The following MS4A13 variants were observed in gnomAD, a reference collection of about 807,000 sequenced individuals.
MS4A13 encodes the protein membrane-spanning 4-domains subfamily A member 13.
Under a neutral mutation model 18.4 loss-of-function variants are expected in MS4A13, and 21 were observed. The observed-to-expected ratio is 1.14, with a 90% CI of 0.81 to 1.64. The LOEUF is 1.64. MS4A13 is among the 40% of genes most tolerant of loss of function. The pLI is 0.00. For missense variants in MS4A13, 173 were observed against 176.8 expected, an observed-to-expected ratio of 0.98 and a Z score of 0.12; for synonymous variants, 62 against 57.2, an observed-to-expected ratio of 1.08 and a Z score of -0.38.
At chr11:60,541,014 A>G (rs1193684799) in intron 6 of MS4A13, among the ~76,000 whole-genome samples, 7 of 152,200 alleles carry the variant, frequency 4.6e-5, no homozygotes, top group Admixed American at 1.3e-4. Context: ...AAAACAAATA[A>G]TAAAATGTCA....
intron 6 of MS4A13, 142 bp downstream of exon 6, chr11:60,529,602 T>C (rs907538750): frequency 4.7e-6 from 2 of 423,644 alleles, no homozygotes; most frequent in East Asian, 7.4e-5. Context: ...TTTTTTATTT[T>C]TGTTATTTTA....
chr11:60,541,123 C>A (rs1051409166), intron 6 of MS4A13, among the ~76,000 whole-genome samples: 2 of 152,144 alleles, frequency 1.3e-5, no homozygotes, highest in African/African-American at 4.8e-5. Flanking sequence ...ACAATGCCAA[C>A]TGATAGCAAA....
downstream of MS4A13, chr11:60,542,757 G>GT (rs548448090): frequency 5.5e-4 from 247 of 447,982 alleles, 1 homozygote; most frequent in East Asian, 6.0e-3. Context: ...TGCAAGGAAA[G>GT]TTTTTCCCTA....
intron 2 of MS4A13, among the ~76,000 whole-genome samples, chr11:60,516,769 T>C (rs1052039553): frequency 1.3e-5 from 2 of 152,224 alleles, no homozygotes; most frequent in Non-Finnish European, 2.9e-5. Flanking sequence ...TATCTTGTCC[T>C]TCTCCACACA....
chr11:60,516,213 GTTGA>G (rs2135244316), intron 2 of MS4A13, 129 bp downstream of exon 2: 1 of 150,696 alleles, frequency 6.6e-6, no homozygotes, highest in African/African-American at 2.4e-5. Flanking sequence ...TTTTTCAAAT[GTTGA>G]TTGTCTTCTA....
In MS4A13 at chr11:60,516,081, A is replaced by AAAC. The variant is rs2086635294; in HGVS notation, c.-16_-15insAAC. 6.6e-6 allele frequency: 1 copy of AAAC among 152,234 alleles called. No individual in the cohort carries two copies. Among genetic ancestry groups the AAAC allele is most frequent in the Non-Finnish European group, 1.5e-5 (1 of 68,034 alleles). 9.4% of individuals were successfully genotyped at this position (152,234 alleles called of 1,614,324 possible). The stretch of plus-strand genomic sequence containing the variant: ...TCTCTACAGCAGATTCTCTCGTTTT[A>AAAC]GGGGTAAGATTTCACTTTGACTAAC... On this transcript the variant is annotated 5_prime_UTR_variant, in exon 2 of 7. The change abolishes the stop of an existing upstream ORF in the 5' untranslated region. Coordinates refer to ENST00000378186, the MANE Select transcript of MS4A13 (RefSeq NM_001012417.3).
intron 6 of MS4A13, among the ~76,000 whole-genome samples, chr11:60,541,051 A>G (rs900387284): frequency 6.6e-6 from 1 of 152,206 alleles, no homozygotes; most frequent in African/African-American, 2.4e-5. Flanking sequence ...TTGTAATAAT[A>G]ACATTAAAAT....
chr11:60,527,295 CT>C (rs932299858), intron 5 of MS4A13, among the ~76,000 whole-genome samples: 4 of 151,590 alleles, frequency 2.6e-5, no homozygotes, highest in Admixed American at 1.3e-4. Context: ...AAAAGGGTCA[CT>C]TACTTTACTT....
chr11:60,522,227 G>GATGTAT (rs1299811438), intron 3 of MS4A13, among the ~76,000 whole-genome samples: 1 of 97,238 alleles, frequency 1.0e-5, no homozygotes, highest in Admixed American at 1.3e-4. Flanking sequence ...TAGATAGATA[G>GATGTAT]ATAGATAGAT....
chr11:60,530,287 A>G (rs1482833291), intron 6 of MS4A13, among the ~76,000 whole-genome samples: 1 of 152,248 alleles, frequency 6.6e-6, no homozygotes, highest in Non-Finnish European at 1.5e-5. Context: ...AAACAAACAC[A>G]TAAAATTATA....
At chr11:60,542,117 GA>G (rs35678900) in intron 6 of MS4A13, among the ~76,000 whole-genome samples, 111,210 of 120,098 alleles carry the variant, frequency 0.93, 51,722 homozygotes, top group East Asian at 0.99. Flanking sequence ...ACAAGACCTT[GA>G]AAAAAAAAAA....
chr11:60,523,857 C>T lies in MS4A13; in HGVS notation c.130-40C>T, dbSNP rs190762019. On this transcript the variant is annotated intron_variant, in intron 3 of 6. Coordinates refer to ENST00000378186, the MANE Select transcript of MS4A13 (RefSeq NM_001012417.3). ...TAAAAGTACATTCTAAATTGGCAAG[C>T]ATTATCAATGAGTATTTATAAATAT... The T allele has an allele frequency of 9.3e-5, 104 of 1,122,638 alleles. 2 individuals carry two copies. In the East Asian group the frequency reaches 2.3e-3, roughly 25 times the overall value. 69.5% of individuals were successfully genotyped at this position (1,122,638 alleles called of 1,614,324 possible).
At chr11:60,543,194 A>C (rs2086874538), downstream of MS4A13, among the ~76,000 whole-genome samples, 1 of 152,170 alleles carries the variant, frequency 6.6e-6, no homozygotes, top group African/African-American at 2.4e-5. Flanking sequence ...CAAAGCAGAC[A>C]GACTGTCCAC....
intron 6 of MS4A13, among the ~76,000 whole-genome samples, chr11:60,538,457 T>C (rs894255163): frequency 6.8e-6 from 1 of 147,542 alleles, no homozygotes; most frequent in Non-Finnish European, 1.5e-5. Flanking sequence ...GTATATGAGG[T>C]TATGAATTTG....
chr11:60,527,931 G>T (rs1019521403), intron 5 of MS4A13, among the ~76,000 whole-genome samples: 3 of 152,108 alleles, frequency 2.0e-5, no homozygotes, highest in African/African-American at 4.8e-5. Context: ...GTACTTTCTA[G>T]CTAAAATGTT....
At chr11:60,521,190 G>T (rs1201840009) in intron 3 of MS4A13, among the ~76,000 whole-genome samples, 2 of 152,242 alleles carry the variant, frequency 1.3e-5, no homozygotes, top group African/African-American at 4.8e-5. Context: ...AGGCTTCAGG[G>T]CCTGTGATGG....
chr11:60,525,862 T>G (rs2086710051), intron 5 of MS4A13, among the ~76,000 whole-genome samples: 1 of 141,926 alleles, frequency 7.0e-6, no homozygotes, highest in African/African-American at 2.6e-5. Context: ...TTTTTACTGA[T>G]AACACAATAG....
At chr11:60,542,487 A>G in intron 6 of MS4A13, 32 bp from the exon 7 acceptor site, 3 of 1,469,186 alleles carry the variant, frequency 2.0e-6, no homozygotes, top group Non-Finnish European at 2.8e-6. Flanking sequence ...AAGAAACATG[A>G]TATGATTTGT....
intron 5 of MS4A13, among the ~76,000 whole-genome samples, chr11:60,527,410 C>CTCTGTGTGTG (rs1555024373): frequency 3.5e-4 from 10 of 28,806 alleles, no homozygotes; most frequent in South Asian, 2.5e-3. Context: ...CTCTCTCTCT[C>CTCTGTGTGTG]TGTGTGTGTG....
Sources: gnomAD v4.1 joint callset for allele counts (sites outside exome capture counted in the v4.1 genomes callset) on GRCh38, gnomAD v4.1.1 for gene constraint, MANE v1.5 for transcripts, NCBI Gene and HGNC (gene_info 2026-07-23, HGNC 2026-07-21) for gene names.